EMCN: variants seen among roughly 807,000 people sequenced by gnomAD.
The protein encoded by EMCN is MUC-14.
EMCN carries 37 observed loss-of-function variants against 38.4 expected under a neutral mutation model. The ratio of observed to expected loss-of-function variants is 0.96; its 90% CI spans 0.74 to 1.27. The LOEUF (loss-of-function observed/expected upper bound fraction) is 1.27. EMCN is among the 50% of genes most tolerant of loss of function. The pLI is 0.00. For synonymous variants in EMCN, 95 were observed against 100.8 expected, an observed-to-expected ratio of 0.94 and a Z score of 0.35; for missense variants, 318 against 302.8, an observed-to-expected ratio of 1.05 and a Z score of -0.37.
chr4:100,497,238 G>C (rs1320911067), intron 1 of EMCN, among the ~76,000 whole-genome samples: 1 of 139,598 alleles, frequency 7.2e-6, no homozygotes, highest in Admixed American at 7.2e-5. Flanking sequence ...TTTGTCTCTT[G>C]TTACTATTAA....
intron 3 of EMCN, 50 bp downstream of exon 3, chr4:100,474,988 A>G (rs947353840): frequency 2.0e-6 from 2 of 1,005,482 alleles, no homozygotes; most frequent in African/African-American, 3.3e-5. Flanking sequence ...CTATTATGTT[A>G]TGTGAATTAT....
rs765468544 is a variant in EMCN, at chr4:100,415,900, G to C, written c.749C>G (p.Ser250Cys). ...AATCAACTTGTCTGGAAACTTACCA[G>C]ACTCATGAGAAATTGTCTTAACGGT... ...LLTVKTISHESGEHSAQGKTK... is the reference protein window; with the variant it reads ...LLTVKTISHECGEHSAQGKTK... Residue 250 changes from serine (S) to cysteine (C), a missense_variant and splice_region_variant, in exon 10 of 12, where the codon TCT becomes TGT. By Grantham distance (112) the Ser-to-Cys change is moderately radical (BLOSUM62 -1). Coordinates refer to ENST00000296420, the MANE Select transcript of EMCN (RefSeq NM_016242.4). The C allele has an allele frequency of 1.9e-6, 3 of 1,579,700 alleles. No individual in the cohort carries two copies. Among genetic ancestry groups the C allele is most frequent in the Non-Finnish European group, 2.6e-6 (3 of 1,164,110 alleles).
intron 1 of EMCN, among the ~76,000 whole-genome samples, chr4:100,512,572 A>G (rs1192406817): frequency 1.3e-5 from 2 of 152,174 alleles, no homozygotes. Flanking sequence ...TGGGAGACCG[A>G]GGCAGGTGGA....
chr4:100,402,827 T>G (rs919460301), intron 11 of EMCN, among the ~76,000 whole-genome samples: 1 of 152,024 alleles, frequency 6.6e-6, no homozygotes, highest in Non-Finnish European at 1.5e-5. Context: ...TCTTTTTTCT[T>G]TTTTTTCCAA....
intron 4 of EMCN, among the ~76,000 whole-genome samples, chr4:100,448,730 G>C (rs73833337): frequency 1.2e-4 from 18 of 152,082 alleles, no homozygotes; most frequent in African/African-American, 4.3e-4. Context: ...ACCCTGTTTC[G>C]TTGTACTCCA....
intron 5 of EMCN, among the ~76,000 whole-genome samples, chr4:100,428,707 A>C (rs1727119417): frequency 6.6e-6 from 1 of 152,188 alleles, no homozygotes; most frequent in African/African-American, 2.4e-5. Context: ...TTTAATCTTA[A>C]CATCGGGATT....
chr4:100,516,933 A>C (rs1346412457), intron 1 of EMCN, among the ~76,000 whole-genome samples: 1 of 151,940 alleles, frequency 6.6e-6, no homozygotes, highest in Non-Finnish European at 1.5e-5. Flanking sequence ...TTTGTTCTTC[A>C]ATTTTCACAC....
At chr4:100,474,112 A>G (rs148093042) in intron 3 of EMCN, 19 of 152,216 alleles carry the variant, frequency 1.2e-4, no homozygotes, top group African/African-American at 3.9e-4. Flanking sequence ...CAAATTATCT[A>G]TCTTGTAAAC....
intron 5 of EMCN, among the ~76,000 whole-genome samples, chr4:100,425,220 T>A (rs1240683744): frequency 1.3e-5 from 2 of 148,994 alleles, no homozygotes; most frequent in Non-Finnish European, 1.5e-5. Context: ...GGAATTAACC[T>A]ACAGTTTGAG....
At chr4:100,459,713 T>C (rs975241766) in intron 4 of EMCN, among the ~76,000 whole-genome samples, 2 of 152,212 alleles carry the variant, frequency 1.3e-5, no homozygotes, top group South Asian at 2.1e-4. Context: ...TCAGTTAGCA[T>C]AATGACCTCT....
intron 9 of EMCN, among the ~76,000 whole-genome samples, chr4:100,416,562 C>G (rs1412874961): frequency 6.6e-6 from 1 of 152,086 alleles, no homozygotes; most frequent in African/African-American, 2.4e-5. Flanking sequence ...AAGTTTACAA[C>G]CTTATGAAAC....
At chr4:100,476,690 C>G (rs1462002314) in intron 2 of EMCN, among the ~76,000 whole-genome samples, 1 of 152,150 alleles carries the variant, frequency 6.6e-6, no homozygotes, top group Non-Finnish European at 1.5e-5. Context: ...ATGTTGAATT[C>G]TATTTAGGCT....
chr4:100,446,135 G>C (rs1268177385), intron 5 of EMCN: 1 of 985,134 alleles, frequency 1.0e-6, no homozygotes, highest in East Asian at 1.1e-4. Flanking sequence ...TAGTCAATCT[G>C]TGAAGCAGAG....
intron 4 of EMCN, among the ~76,000 whole-genome samples, chr4:100,452,816 G>C (rs556267269): frequency 2.6e-5 from 4 of 151,998 alleles, no homozygotes; most frequent in Non-Finnish European, 5.9e-5. Context: ...CATGGTACTG[G>C]TACCAAAACA....
At chr4:100,434,547 C>T (rs1267555076) in intron 5 of EMCN, among the ~76,000 whole-genome samples, 1 of 152,130 alleles carries the variant, frequency 6.6e-6, no homozygotes, top group African/African-American at 2.4e-5. Context: ...CATCCTGATA[C>T]CAAAACCTGG....
chr4:100,504,689 G>A (rs556253561), intron 1 of EMCN, among the ~76,000 whole-genome samples: 6 of 152,220 alleles, frequency 3.9e-5, no homozygotes, highest in Middle Eastern at 3.2e-3. Flanking sequence ...TGACGCCAGC[G>A]TCTGGGAAGA....
At chr4:100,474,918 T>TGGC in intron 3 of EMCN, 120 bp downstream of exon 3, 1 of 414,518 alleles carries the variant, frequency 2.4e-6, no homozygotes. Flanking sequence ...ATAGTGGTGG[T>TGGC]GGCTGTAAAA....
intron 4 of EMCN, 97 bp from the exon 5 acceptor site, chr4:100,447,668 T>TAA: frequency 2.9e-6 from 2 of 696,118 alleles, no homozygotes; most frequent in Admixed American, 5.2e-5. Context: ...AGTATGAATT[T>TAA]TAGCTCATTT....
At chr4:100,502,826 A>G (rs890160478) in intron 1 of EMCN, among the ~76,000 whole-genome samples, 20 of 152,308 alleles carry the variant, frequency 1.3e-4, no homozygotes, top group Admixed American at 4.6e-4. Context: ...TTCTGCTTCA[A>G]TGAGATTATC....
Sources: gnomAD v4.1 joint callset for allele counts (sites outside exome capture counted in the v4.1 genomes callset) on GRCh38, gnomAD v4.1.1 for gene constraint, MANE v1.5 for transcripts, NCBI Gene and HGNC (gene_info 2026-07-23, HGNC 2026-07-21) for gene names.